Variants in SPIDR observed in about 807,000 individuals in gnomAD.
The protein encoded by SPIDR is DNA repair-scaffolding protein.
In SPIDR, 93 loss-of-function variants were observed where a neutral mutation model predicts 104.6. The observed-to-expected ratio is 0.89, with a 90% CI of 0.75 to 1.06. The LOEUF is 1.06. Ranked by LOEUF, SPIDR falls within the 50% of genes least tolerant of loss-of-function variation. SPIDR has a pLI of 0.00. For synonymous variants in SPIDR, 431 were observed against 416.9 expected (o/e 1.03, Z -0.41); for missense variants, 1,154 against 1,111.2 (o/e 1.04, Z -0.55).
chr8:47,724,559 G>C (rs1472099422), intron 16 of SPIDR, among the ~76,000 whole-genome samples: 1 of 152,224 alleles, frequency 6.6e-6, no homozygotes, highest in Admixed American at 6.5e-5. Flanking sequence ...ATGGCTCCAA[G>C]GGGACCCCTT....
chr8:47,652,322 C>T (rs1479968206), intron 10 of SPIDR, among the ~76,000 whole-genome samples: 1 of 152,104 alleles, frequency 6.6e-6, no homozygotes, highest in African/African-American at 2.4e-5. Flanking sequence ...AGAAGAGATA[C>T]ACCTAGGCTA....
intron 5 of SPIDR, among the ~76,000 whole-genome samples, chr8:47,300,271 T>C (rs1365157200): frequency 6.6e-6 from 1 of 152,220 alleles, no homozygotes; most frequent in Non-Finnish European, 1.5e-5. Context: ...GATGGTAGTT[T>C]GTATATCTGT....
intron 1 of SPIDR, among the ~76,000 whole-genome samples, chr8:47,265,557 A>G (rs141044674): frequency 1.2e-3 from 181 of 152,200 alleles, no homozygotes; most frequent in African/African-American, 4.2e-3. Context: ...AAAGCTTTCT[A>G]TATGTCAAGC....
intron 16 of SPIDR, among the ~76,000 whole-genome samples, chr8:47,721,573 G>A (rs565963092): frequency 2.6e-5 from 4 of 151,986 alleles, no homozygotes; most frequent in South Asian, 2.1e-4. Context: ...CCGGGTTCAC[G>A]CCATTCTCCT....
intron 11 of SPIDR, among the ~76,000 whole-genome samples, chr8:47,691,590 A>G (rs2078663190): frequency 6.6e-6 from 1 of 152,184 alleles, no homozygotes; most frequent in South Asian, 2.1e-4. Context: ...TTAAGTATGA[A>G]ATTCACATGG....
intron 10 of SPIDR, among the ~76,000 whole-genome samples, chr8:47,628,560 A>T (rs751786): frequency 0.03 from 4,570 of 152,298 alleles, 172 homozygotes; most frequent in African/African-American, 0.097. Context: ...ATTTAAAATA[A>T]AAATAAAATG....
intron 10 of SPIDR, among the ~76,000 whole-genome samples, chr8:47,613,345 G>A (rs1172441546): frequency 6.6e-6 from 1 of 152,118 alleles, no homozygotes; most frequent in East Asian, 1.9e-4. Flanking sequence ...TCTTTTTATG[G>A]CTGAATAATA....
intron 5 of SPIDR, among the ~76,000 whole-genome samples, chr8:47,371,142 TTTTA>T (rs2057968627): frequency 6.6e-6 from 1 of 151,728 alleles, no homozygotes; most frequent in South Asian, 2.1e-4. Flanking sequence ...TTTTTTTTTT[TTTTA>T]AGGAAAAAAA....
intron 5 of SPIDR, among the ~76,000 whole-genome samples, chr8:47,379,189 A>G (rs2059031085): frequency 6.6e-6 from 1 of 152,170 alleles, no homozygotes; most frequent in Non-Finnish European, 1.5e-5. Context: ...AGTCCAAAAT[A>G]ATGGCTTTCC....
chr8:47,675,775 T>C (rs1188586234), intron 11 of SPIDR, among the ~76,000 whole-genome samples: 1 of 152,220 alleles, frequency 6.6e-6, no homozygotes, highest in Non-Finnish European at 1.5e-5. Context: ...ATTGCACCAC[T>C]GCACTCCAGC....
chr8:47,639,120 A>T (rs1429409776), intron 10 of SPIDR, among the ~76,000 whole-genome samples: 1 of 152,220 alleles, frequency 6.6e-6, no homozygotes, highest in Non-Finnish European at 1.5e-5. Flanking sequence ...TTCTGTTTTT[A>T]TAAAAGTTTG....
intron 11 of SPIDR, among the ~76,000 whole-genome samples, chr8:47,680,978 C>A (rs2077022308): frequency 6.6e-6 from 1 of 152,190 alleles, no homozygotes; most frequent in Non-Finnish European, 1.5e-5. Context: ...GTAGGCGAAT[C>A]ACTTGAACCG....
At chr8:47,502,172 G>A (rs1053021202) in intron 8 of SPIDR, among the ~76,000 whole-genome samples, 5 of 152,194 alleles carry the variant, frequency 3.3e-5, no homozygotes, top group African/African-American at 4.8e-5. Flanking sequence ...AGTTAGGGAC[G>A]ATTCCCTCTT....
chr8:47,272,095 G>A (rs770507215), intron 1 of SPIDR, among the ~76,000 whole-genome samples: 1 of 152,094 alleles, frequency 6.6e-6, no homozygotes, highest in Non-Finnish European at 1.5e-5. Context: ...AGCCTCCTGA[G>A]TAGCTGGGAT....
chr8:47,317,027 G>A (rs1216060252), intron 5 of SPIDR, among the ~76,000 whole-genome samples: 2 of 152,202 alleles, frequency 1.3e-5, no homozygotes, highest in African/African-American at 2.4e-5. Context: ...CAGCTTGAGC[G>A]ACGTAGAAGA....
intron 19 of SPIDR, chr8:47,732,148 C>A: frequency 1.4e-6 from 1 of 702,614 alleles, no homozygotes; most frequent in Non-Finnish European, 2.6e-6. Flanking sequence ...GACCAGGAAC[C>A]CTGGCAGAAA....
chr8:47,312,289 C>G (rs1280587581), intron 5 of SPIDR, among the ~76,000 whole-genome samples: 1 of 152,064 alleles, frequency 6.6e-6, no homozygotes. Context: ...CCTGAGGAAT[C>G]GCCACACTGA....
At chr8:47,624,297 A>T (rs1158556102) in intron 10 of SPIDR, among the ~76,000 whole-genome samples, 1 of 152,228 alleles carries the variant, frequency 6.6e-6, no homozygotes. Flanking sequence ...AAGATCTAAA[A>T]TTGACACCCT....
intron 7 of SPIDR, among the ~76,000 whole-genome samples, chr8:47,423,420 A>G (rs1210571741): frequency 2.6e-5 from 4 of 152,072 alleles, no homozygotes; most frequent in Non-Finnish European, 5.9e-5. Flanking sequence ...AGTCTCACCA[A>G]TATGGCGAAA....
Sources: gnomAD v4.1 joint callset for allele counts (sites outside exome capture counted in the v4.1 genomes callset) on GRCh38, gnomAD v4.1.1 for gene constraint, MANE v1.5 for transcripts, NCBI Gene and HGNC (gene_info 2026-07-23, HGNC 2026-07-21) for gene names.